SLC14A2: variants seen among roughly 807,000 people sequenced by gnomAD.
The protein encoded by SLC14A2 is urea transporter 2.
SLC14A2 carries 91 observed loss-of-function variants against 104.6 expected under a neutral mutation model. That is an observed-to-expected ratio of 0.87 (90% CI 0.73 to 1.04). SLC14A2 has a LOEUF of 1.04. Ranked by LOEUF, SLC14A2 falls within the 50% of genes least tolerant of loss-of-function variation. The probability of loss-of-function intolerance (pLI) is 0.00; values close to 1 mark genes in which losing one functional copy is unlikely to be tolerated. For synonymous variants in SLC14A2, 476 were observed against 466.4 expected (o/e 1.02, Z -0.27); for missense variants, 1,189 against 1,156.0 (o/e 1.03, Z -0.41).
At chr18:45,391,236 C>A (rs539534840) in intron 1 of SLC14A2, among the ~76,000 whole-genome samples, 5 of 152,248 alleles carry the variant, frequency 3.3e-5, no homozygotes, top group Admixed American at 6.5e-5. Context: ...TCATCCATGT[C>A]CCTACAAAGT....
chr18:45,532,923 G>T (rs1342790891), intron 2 of SLC14A2, among the ~76,000 whole-genome samples: 1 of 152,078 alleles, frequency 6.6e-6, no homozygotes, highest in Non-Finnish European at 1.5e-5. Flanking sequence ...GTTGAATTTT[G>T]TCAAAGGCCT....
intron 1 of SLC14A2, among the ~76,000 whole-genome samples, chr18:45,420,295 G>A (rs995433987): frequency 1.2e-4 from 18 of 151,472 alleles, no homozygotes; most frequent in African/African-American, 3.2e-4. Flanking sequence ...TAAGCAAGAC[G>A]TCTTTATGAA....
chr18:45,265,962 G>A (rs1483329585), intron 1 of SLC14A2, among the ~76,000 whole-genome samples: 1 of 152,162 alleles, frequency 6.6e-6, no homozygotes, highest in African/African-American at 2.4e-5. Flanking sequence ...GAGACAAACA[G>A]TAGTTAATTA....
intron 1 of SLC14A2, among the ~76,000 whole-genome samples, chr18:45,460,238 A>G (rs1001619826): frequency 6.6e-6 from 1 of 152,214 alleles, no homozygotes; most frequent in African/African-American, 2.4e-5. Flanking sequence ...AGCCAGGCAA[A>G]GGAGAGGAGG....
chr18:45,208,267 C>G (rs2083932086), upstream of SLC14A2, among the ~76,000 whole-genome samples: 1 of 152,060 alleles, frequency 6.6e-6, no homozygotes, highest in African/African-American at 2.4e-5. Context: ...ATTTTTTTCT[C>G]AAATACAATT....
At chr18:45,666,267 A>G (rs761957899) in intron 12 of SLC14A2, 48 bp downstream of exon 12, 65 of 1,280,438 alleles carry the variant, frequency 5.1e-5, no homozygotes, top group Non-Finnish European at 7.1e-5. Context: ...ACAGTCACAG[A>G]GCCCACAGCA....
chr18:45,457,866 C>T (rs986001822), intron 1 of SLC14A2, among the ~76,000 whole-genome samples: 3 of 152,050 alleles, frequency 2.0e-5, no homozygotes, highest in South Asian at 2.1e-4. Flanking sequence ...CAGCTACCCC[C>T]GGGGCTGGGG....
intron 1 of SLC14A2, among the ~76,000 whole-genome samples, chr18:45,351,701 A>G (rs907373304): frequency 6.6e-6 from 1 of 152,198 alleles, no homozygotes. Flanking sequence ...TTTCCAGCCA[A>G]TTACTGGGTT....
rs886335564 is a variant in SLC14A2 at position 45,444,789 on chromosome 18, C to CT, written c.-124-38439dup. Among the ~76,000 whole-genome samples the CT allele has an allele frequency of 4.6e-5, 7 of 152,132 alleles. 1 individual carries two copies. The highest frequency in any genetic ancestry group is 1.5e-5 in the Non-Finnish European group (1 of 68,032). On this transcript the variant is annotated intron_variant, in intron 1 of 20. Transcript: ENST00000586448. ...CACAGGTAGGTGTGCATCGACAGCT[C>CT]TTTTTAAAGCTACTTCTCTCAGGGA...
intron 1 of SLC14A2, among the ~76,000 whole-genome samples, chr18:45,385,676 T>A (rs1427257799): frequency 2.0e-5 from 3 of 152,204 alleles, no homozygotes; most frequent in Non-Finnish European, 4.4e-5. Context: ...GAGGTGTAAG[T>A]GACTTGCTCA....
At chr18:45,343,161 T>C (rs1435578869) in intron 1 of SLC14A2, among the ~76,000 whole-genome samples, 2 of 147,296 alleles carry the variant, frequency 1.4e-5, no homozygotes, top group East Asian at 2.0e-4. Flanking sequence ...TTTTTTTTTT[T>C]CCTCATAAGC....
intron 1 of SLC14A2, among the ~76,000 whole-genome samples, chr18:45,407,009 T>C (rs752134834): frequency 2.0e-5 from 3 of 152,090 alleles, no homozygotes; most frequent in African/African-American, 4.8e-5. Flanking sequence ...TTGGCTTCCA[T>C]TGAAATTCAT....
chr18:45,532,255 G>T (rs1354326375), intron 2 of SLC14A2, among the ~76,000 whole-genome samples: 2 of 152,170 alleles, frequency 1.3e-5, no homozygotes, highest in African/African-American at 4.8e-5. Context: ...TTGGTAGCTT[G>T]ATGGGGATGG....
At chr18:45,411,497 T>C (rs1299709459) in intron 1 of SLC14A2, among the ~76,000 whole-genome samples, 1 of 152,100 alleles carries the variant, frequency 6.6e-6, no homozygotes, top group Non-Finnish European at 1.5e-5. Context: ...CAGATTTGAG[T>C]CTTCCCCATA....
intron 1 of SLC14A2, among the ~76,000 whole-genome samples, chr18:45,241,483 G>A (rs1163425760): frequency 6.6e-6 from 1 of 152,068 alleles, no homozygotes; most frequent in African/African-American, 2.4e-5. Flanking sequence ...ATCTGCTTCC[G>A]CTTGGCCACT....
chr18:45,509,109 A>T (rs1568250284), intron 2 of SLC14A2, among the ~76,000 whole-genome samples: 1 of 152,136 alleles, frequency 6.6e-6, no homozygotes, highest in East Asian at 1.9e-4. Context: ...AGAGTCCAAG[A>T]AGTAGAAGGA....
intron 1 of SLC14A2, among the ~76,000 whole-genome samples, chr18:45,358,744 CTT>C (rs2085580390): frequency 6.6e-6 from 1 of 152,088 alleles, no homozygotes; most frequent in Non-Finnish European, 1.5e-5. Context: ...ACCCAGCTAA[CTT>C]TTTCGTATTT....
chr18:45,509,698 G>A (rs1396493199), intron 2 of SLC14A2, among the ~76,000 whole-genome samples: 1 of 152,164 alleles, frequency 6.6e-6, no homozygotes, highest in Non-Finnish European at 1.5e-5. Flanking sequence ...CACCCTGTGG[G>A]CCCCCATCCC....
At chr18:45,483,211 C>A (rs2144703258) in intron 1 of SLC14A2, 1 of 152,116 alleles carries the variant, frequency 6.6e-6, no homozygotes, top group East Asian at 1.9e-4. Context: ...CTTCTTTATT[C>A]TGACCTCCAT....
Sources: allele counts gnomAD v4.1 joint callset (sites outside exome capture counted in the v4.1 genomes callset), GRCh38; gene constraint gnomAD v4.1.1; transcripts MANE v1.5; gene names NCBI Gene and HGNC (gene_info 2026-07-23, HGNC 2026-07-21).